Variants in TP63 observed in about 807,000 individuals in gnomAD.
The protein encoded by TP63 is tumor protein p63.
TP63 carries 17 observed loss-of-function variants against 82.8 expected under a neutral mutation model. The ratio of observed to expected loss-of-function variants is 0.21; its 90% CI spans 0.14 to 0.31. The LOEUF is 0.31. Ranked by LOEUF, TP63 falls within the 10% of genes least tolerant of loss-of-function variation. The pLI, the probability that TP63 is intolerant of heterozygous loss-of-function variation, is 1.00. For synonymous variants in TP63, 330 were observed against 321.7 expected, an observed-to-expected ratio of 1.03 and a Z score of -0.28; for missense variants, 648 against 895.3, an observed-to-expected ratio of 0.72 and a Z score of 3.52.
chr3:189,756,852 T>C (rs748724600), intron 3 of TP63, among the ~76,000 whole-genome samples: 6 of 152,154 alleles, frequency 3.9e-5, no homozygotes, highest in Non-Finnish European at 5.9e-5. Flanking sequence ...TCAGACTGTA[T>C]GCATTAGGAA....
intron 3 of TP63, among the ~76,000 whole-genome samples, chr3:189,755,935 T>C (rs1722157877): frequency 6.6e-6 from 1 of 152,086 alleles, no homozygotes; most frequent in South Asian, 2.1e-4. Flanking sequence ...GGGATAGTAG[T>C]TTTGGCTGGA....
chr3:189,697,111 G>T (rs893245225), intron 1 of TP63, among the ~76,000 whole-genome samples: 1 of 151,570 alleles, frequency 6.6e-6, no homozygotes, highest in South Asian at 2.1e-4. Context: ...AAACTCAGTG[G>T]TCCAGATTTT....
intron 10 of TP63, among the ~76,000 whole-genome samples, chr3:189,874,975 T>C (rs925865963): frequency 1.4e-5 from 2 of 147,678 alleles, no homozygotes; most frequent in Non-Finnish European, 3.0e-5. Context: ...CAGTACTCTT[T>C]CCTGTCTTTT....
At chr3:189,773,680 A>G (rs537936501) in intron 3 of TP63, among the ~76,000 whole-genome samples, 1 of 152,240 alleles carries the variant, frequency 6.6e-6, no homozygotes, top group South Asian at 2.1e-4. Flanking sequence ...ATAAATACCC[A>G]GTGACCTTAC....
At chr3:189,729,032 TTC>T (rs113473951) in intron 1 of TP63, among the ~76,000 whole-genome samples, 10,992 of 152,190 alleles carry the variant, frequency 0.072, 1,316 homozygotes, top group African/African-American at 0.25. Flanking sequence ...TGACTGTAAA[TTC>T]TCTGTCACAA....
the TP63 span, among the ~76,000 whole-genome samples, chr3:189,601,092 A>G: frequency 6.6e-6 from 1 of 152,162 alleles, no homozygotes; most frequent in East Asian, 1.9e-4. Flanking sequence ...GTCATTGCTT[A>G]TTTTTAATCC....
At chr3:189,742,691 T>C (rs757072213) in intron 3 of TP63, among the ~76,000 whole-genome samples, 7 of 152,228 alleles carry the variant, frequency 4.6e-5, no homozygotes, top group Non-Finnish European at 1.0e-4. Context: ...ACAGTAGGTC[T>C]AGCCATAACA....
chr3:189,697,949 C>A (rs1717515910), intron 1 of TP63, among the ~76,000 whole-genome samples: 1 of 151,940 alleles, frequency 6.6e-6, no homozygotes, highest in South Asian at 2.1e-4. Context: ...CATGGATTTT[C>A]TATATAGACA....
intron 13 of TP63, 40 bp downstream of exon 13, chr3:189,890,922 A>G (rs6793571): frequency 5.6e-6 from 9 of 1,594,176 alleles, no homozygotes; most frequent in Non-Finnish European, 6.0e-6. Flanking sequence ...TTATTTCTTC[A>G]TTTCTTTCCT....
At chr3:189,684,207 G>A (rs2108701751) in intron 1 of TP63, among the ~76,000 whole-genome samples, 2 of 152,138 alleles carry the variant, frequency 1.3e-5, no homozygotes, top group Non-Finnish European at 1.5e-5. Context: ...GGTACCTATG[G>A]TATGTAAGAC....
intron 1 of TP63, among the ~76,000 whole-genome samples, chr3:189,715,438 T>C (rs1386151941): frequency 6.6e-6 from 1 of 152,220 alleles, no homozygotes; most frequent in African/African-American, 2.4e-5. Flanking sequence ...ACATCCAGAT[T>C]TGATCTCTCT....
At chr3:189,689,098 C>CTTGTTT (rs1716686164) in intron 1 of TP63, among the ~76,000 whole-genome samples, 1 of 85,140 alleles carries the variant, frequency 1.2e-5, no homozygotes, top group African/African-American at 4.3e-5. Flanking sequence ...TCAAATCTAC[C>CTTGTTT]TTTTTCTTTT....
intron 1 of TP63, among the ~76,000 whole-genome samples, chr3:189,685,803 AG>A (rs1238196049): frequency 2.0e-5 from 3 of 152,232 alleles, no homozygotes; most frequent in African/African-American, 7.2e-5. Context: ...CCAGACATGT[AG>A]GATGTGAATC....
intron 3 of TP63, among the ~76,000 whole-genome samples, chr3:189,773,204 A>T (rs536803372): frequency 6.6e-6 from 1 of 152,334 alleles, no homozygotes; most frequent in South Asian, 2.1e-4. Flanking sequence ...AGAAACTTCT[A>T]CTGTACCAAG....
chr3:189,798,503 TA>T (rs749184186), intron 3 of TP63, among the ~76,000 whole-genome samples: 1 of 151,850 alleles, frequency 6.6e-6, no homozygotes, highest in Non-Finnish European at 1.5e-5. Flanking sequence ...TGTGTTTGAT[TA>T]AAAAAAAGTC....
In TP63 at chr3:189,872,925, C is replaced by A; in HGVS notation, c.1279C>A (p.Leu427Ile). Reference protein sequence around the residue: ...IKESLELMQYLPQHTIETYRQ... With the variant: ...IKESLELMQYIPQHTIETYRQ... Reference sequence around the variant, plus strand: ...AGAGTCCCTGGAACTCATGCAGTACCTTCCTCAGCACACAATTGAAACGTA... The same window carrying A: ...AGAGTCCCTGGAACTCATGCAGTACATTCCTCAGCACACAATTGAAACGTA... The change falls in exon 10 of 14, where the codon CTT becomes ATT. Residue 427 changes from leucine to isoleucine, a missense_variant. Physicochemically the swap from Leu to Ile is conservative, Grantham distance 5. Coordinates refer to ENST00000264731, the MANE Select transcript of TP63 (RefSeq NM_003722.5). The A allele has an allele frequency of 6.2e-7, 1 of 1,614,130 alleles. No homozygotes were observed. Among genetic ancestry groups the A allele is most frequent in the Non-Finnish European group, 8.5e-7 (1 of 1,180,004 alleles).
At chr3:189,634,768 T>C (rs1729670087) in intron 1 of TP63, among the ~76,000 whole-genome samples, 1 of 152,074 alleles carries the variant, frequency 6.6e-6, no homozygotes, top group African/African-American at 2.4e-5. Flanking sequence ...TACCATTAAT[T>C]TATGAATAGA....
chr3:189,678,509 A>G (rs1392943248), intron 1 of TP63, among the ~76,000 whole-genome samples: 1 of 152,032 alleles, frequency 6.6e-6, no homozygotes, highest in East Asian at 1.9e-4. Context: ...ATTTTAAGTA[A>G]TATAACATGA....
At chr3:189,880,469 G>C (rs771903687) in intron 10 of TP63, 89 of 1,048,192 alleles carry the variant, frequency 8.5e-5, no homozygotes, top group Non-Finnish European at 9.5e-5. Context: ...TGTTTCCTGG[G>C]AGGGAGGGGT....
Sources: allele counts gnomAD v4.1 joint callset (sites outside exome capture counted in the v4.1 genomes callset), GRCh38; gene constraint gnomAD v4.1.1; transcripts MANE v1.5; gene names NCBI Gene and HGNC (gene_info 2026-07-23, HGNC 2026-07-21).